The following CDC42BPB variants were observed in gnomAD, a reference collection of about 807,000 sequenced individuals.
CDC42BPB encodes CDC42 binding protein kinase beta, also known as serine/threonine-protein kinase MRCK beta.
CDC42BPB carries 37 observed loss-of-function variants against 214.9 expected under a neutral mutation model. That is an observed-to-expected ratio of 0.17 (90% confidence interval 0.13 to 0.23). The LOEUF is 0.23. CDC42BPB is among the 10% of genes least tolerant of loss of function. The probability of loss-of-function intolerance (pLI) is 1.00; values close to 1 mark genes in which losing one functional copy is unlikely to be tolerated. For synonymous variants in CDC42BPB, 931 were observed against 884.0 expected, an observed-to-expected ratio of 1.05 and a Z score of -0.94; for missense variants, 1,694 against 2,227.0, an observed-to-expected ratio of 0.76 and a Z score of 4.82.
At chr14:103,015,837 T>C (rs938897622) in intron 1 of CDC42BPB, among the ~76,000 whole-genome samples, 1 of 151,674 alleles carries the variant, frequency 6.6e-6, no homozygotes, top group African/African-American at 2.4e-5. Context: ...GCCTCCCGAG[T>C]AGCCGGGATT....
rs1894096369 is a variant in CDC42BPB, at chr14:102,983,434, C to T, written c.891+122G>A. The T allele has an allele frequency of 2.7e-6, 4 of 1,456,820 alleles. No individual in the cohort carries two copies. In the East Asian group the frequency reaches 9.6e-5, roughly 35 times the overall value. 90.2% of individuals were successfully genotyped at this position (1,456,820 alleles called of 1,614,324 possible). ...TGCCTGTCCCCAGTTTGGTCCAAAC[C>T]CCGTCACCTCTTCCTCAACTACTCG... On this transcript the variant is annotated intron_variant, in intron 7 of 36. Coordinates refer to ENST00000361246, the MANE Select transcript of CDC42BPB (RefSeq NM_006035.4).
chr14:102,975,640 T>C (rs748458704), intron 11 of CDC42BPB, 44 bp downstream of exon 11: 115 of 1,596,152 alleles, frequency 7.2e-5, no homozygotes, highest in Admixed American at 1.2e-4. Context: ...AAGACAGTAA[T>C]GACCAAAAAT....
At chr14:102,983,793 G>A (rs1894115817) in intron 6 of CDC42BPB, 37 bp from the exon 7 acceptor site, 2 of 1,593,602 alleles carry the variant, frequency 1.3e-6, no homozygotes, top group East Asian at 4.5e-5. Context: ...AAACCCTAGG[G>A]CATCTCCAAT....
intron 20 of CDC42BPB, among the ~76,000 whole-genome samples, chr14:102,961,007 T>C (rs1892932236): frequency 6.6e-6 from 1 of 151,394 alleles, no homozygotes; most frequent in Non-Finnish European, 1.5e-5. Flanking sequence ...AATAAATAAA[T>C]AAATAAATAA....
chr14:102,952,481 G>A lies in CDC42BPB; in HGVS notation c.3172+17C>T. On this transcript the variant is annotated intron_variant, in intron 24 of 36. Transcript: ENST00000361246. The stretch of plus-strand genomic sequence containing the variant: ...GGGGCTGTGCACGCTGACCCCAGGA[G>A]CTGCAACGACACTCACCCTCGCAGG... The A allele has an allele frequency of 1.3e-6, 2 of 1,552,418 alleles. No individual in the cohort carries two copies. Among genetic ancestry groups the A allele is most frequent in the Non-Finnish European group, 1.8e-6 (2 of 1,127,492 alleles).
chr14:103,017,342 G>A (rs553646885), intron 1 of CDC42BPB, among the ~76,000 whole-genome samples: 5 of 151,992 alleles, frequency 3.3e-5, no homozygotes, highest in Admixed American at 2.0e-4. Flanking sequence ...AAAAACACCA[G>A]GAAATCAGGA....
At chr14:102,985,473 G>A (rs957317776) in intron 6 of CDC42BPB, among the ~76,000 whole-genome samples, 1 of 152,224 alleles carries the variant, frequency 6.6e-6, no homozygotes, top group Non-Finnish European at 1.5e-5. Flanking sequence ...GGTAACCCAT[G>A]TTCTGGTTCA....
chr14:102,974,882 C>G (rs1328097780), intron 11 of CDC42BPB, among the ~76,000 whole-genome samples: 2 of 151,978 alleles, frequency 1.3e-5, no homozygotes, highest in East Asian at 3.9e-4. Flanking sequence ...GGAGGCGGAG[C>G]TTGCAGTGAG....
intron 34 of CDC42BPB, 122 bp downstream of exon 34, chr14:102,939,488 G>T: frequency 1.4e-6 from 1 of 719,522 alleles, no homozygotes. Flanking sequence ...AGGAGCGCCA[G>T]GTCAGAGCAC....
At chr14:102,946,356 C>T in intron 28 of CDC42BPB, 112 bp downstream of exon 28, 1 of 1,215,662 alleles carries the variant, frequency 8.2e-7, no homozygotes, top group East Asian at 2.5e-5. Flanking sequence ...GAGAAACTGT[C>T]TACAAACCCA....
At chr14:103,028,486 C>G (rs190624642) in intron 1 of CDC42BPB, among the ~76,000 whole-genome samples, 2 of 152,208 alleles carry the variant, frequency 1.3e-5, no homozygotes, top group East Asian at 3.8e-4. Flanking sequence ...AGCCCCAGCA[C>G]GCAGAGCCAG....
rs540074623 is a variant in CDC42BPB at position 102,974,270 on chromosome 14, GT to G, written c.1508-122del. 8.9e-6 allele frequency: 11 copies of G among 1,231,936 alleles called. No individual in the cohort carries two copies. The Admixed American group carries it at 9.2e-5, about 10-fold the overall frequency. The allele number at this position is 1,231,936 out of a possible 1,614,324, so 76.3% of individuals were successfully genotyped here. On this transcript the variant is annotated intron_variant, in intron 11 of 36. Coordinates refer to ENST00000361246, the MANE Select transcript of CDC42BPB (RefSeq NM_006035.4). ...ATTCACAACACTTTTTCATTCAGAG[GT>G]TTTTTTACTTACACACACACACACA...
chr14:103,044,892 G>A (rs1177238385), intron 1 of CDC42BPB, among the ~76,000 whole-genome samples: 2 of 150,714 alleles, frequency 1.3e-5, no homozygotes, highest in African/African-American at 4.9e-5. Flanking sequence ...CAGTAGAAAT[G>A]GTATTTCAAA....
At chr14:103,037,030 G>A (rs1175420224) in intron 1 of CDC42BPB, among the ~76,000 whole-genome samples, 1 of 152,034 alleles carries the variant, frequency 6.6e-6, no homozygotes, top group South Asian at 2.1e-4. Flanking sequence ...TGCTGCCCAG[G>A]CTGGACTCAG....
chr14:103,003,815 A>G, intron 4 of CDC42BPB, 113 bp downstream of exon 4: 1 of 780,164 alleles, frequency 1.3e-6, no homozygotes, highest in Non-Finnish European at 2.0e-6. Context: ...ATCGAGTCCA[A>G]TACACATTTT....
intron 12 of CDC42BPB, among the ~76,000 whole-genome samples, chr14:102,972,490 C>A (rs531056455): frequency 6.6e-6 from 1 of 152,058 alleles, no homozygotes; most frequent in South Asian, 2.1e-4. Context: ...AGATCGAGAC[C>A]ATCCTGGCTA....
In CDC42BPB at chr14:103,025,278, C is replaced by T. The variant is rs554978136; in HGVS notation, c.176-13090G>A. Among the ~76,000 whole-genome samples the T allele has an allele frequency of 2.6e-5, 4 of 152,202 alleles. No homozygotes were observed. The East Asian group carries it at 5.8e-4, about 22-fold the overall frequency. ...TCCGATGTGCCACCCCTCTCCCCCA[C>T]CAATTGCACTTGGATCGCTTAGGCT... On this transcript the variant is annotated intron_variant, in intron 1 of 36. Transcript: ENST00000361246.
intron 1 of CDC42BPB, among the ~76,000 whole-genome samples, 162 bp downstream of exon 1, chr14:103,056,837 G>A (rs886084558): frequency 6.6e-6 from 1 of 151,506 alleles, no homozygotes; most frequent in African/African-American, 2.4e-5. Context: ...TGGGCTGCGG[G>A]CCTGGGGGCG....
chr14:102,989,984 G>A (rs914099243), intron 5 of CDC42BPB, among the ~76,000 whole-genome samples: 1 of 152,066 alleles, frequency 6.6e-6, no homozygotes, highest in East Asian at 1.9e-4. Flanking sequence ...ACAAGAAAAC[G>A]CCTGCATGGA....
Sources: gnomAD v4.1 joint callset for allele counts (sites outside exome capture counted in the v4.1 genomes callset) on GRCh38, gnomAD v4.1.1 for gene constraint, MANE v1.5 for transcripts, NCBI Gene and HGNC (gene_info 2026-07-23, HGNC 2026-07-21) for gene names.